MATN2: variants seen among roughly 807,000 people sequenced by gnomAD.
The protein encoded by MATN2 is matrilin-2.
In MATN2, 69 loss-of-function variants were observed where a neutral mutation model predicts 103.2. The ratio of observed to expected loss-of-function variants is 0.67; its 90% CI spans 0.55 to 0.82. The LOEUF (loss-of-function observed/expected upper bound fraction) is 0.82. MATN2 is among the 40% of genes least tolerant of loss of function. The pLI is 0.00. For missense variants in MATN2, 1,023 were observed against 1,211.5 expected, an observed-to-expected ratio of 0.84 and a Z score of 2.31; for synonymous variants, 429 against 450.2, an observed-to-expected ratio of 0.95 and a Z score of 0.60.
At chr8:97,945,736 A>ATATATATATATATATAT in intron 4 of MATN2, among the ~76,000 whole-genome samples, 3 of 143,290 alleles carry the variant, frequency 2.1e-5, no homozygotes, top group Admixed American at 6.8e-5. Flanking sequence ...ATATATATAT[A>ATATATATATATATATAT]ATCTCCCCAC....
rs182114630 is a variant in MATN2 at position 97,980,106 on chromosome 8, A to G, written c.1081+1098A>G. ...GAAGATAACTGTGGCTGAGTCTTGG[A>G]GGTGGAGCTGTCATTCACTAGGCAG... On this transcript the variant is annotated intron_variant, in intron 6 of 18. Coordinates refer to ENST00000254898, the MANE Select transcript of MATN2 (RefSeq NM_002380.5). Among the ~76,000 whole-genome samples the G allele has an allele frequency of 1.1e-3, 171 of 152,264 alleles. 2 individuals are homozygous for G. The highest frequency in any genetic ancestry group is 4.4e-4 in the Non-Finnish European group (30 of 68,008).
At chr8:97,923,161 A>G (rs1044546832) in intron 2 of MATN2, among the ~76,000 whole-genome samples, 1 of 151,128 alleles carries the variant, frequency 6.6e-6, no homozygotes, top group African/African-American at 2.5e-5. Flanking sequence ...CTGCTAGCTC[A>G]TTACGATCAT....
chr8:97,966,671 C>T (rs1471723424), intron 5 of MATN2, among the ~76,000 whole-genome samples: 3 of 152,082 alleles, frequency 2.0e-5, no homozygotes, highest in African/African-American at 2.4e-5. Context: ...GCAGAAAACT[C>T]GGCATTAACA....
rs78244613 is a variant in MATN2 at position 97,889,703 on chromosome 8, A to G, written c.142+1461A>G. The stretch of plus-strand genomic sequence containing the variant: ...GAGTGATCTGCCATCTCGACCTCCC[A>G]AAGTGCTGGGATTACAGACATGAGC... On this transcript the variant is annotated intron_variant, in intron 2 of 18. Transcript: ENST00000254898. Among the ~76,000 whole-genome samples the G allele has an allele frequency of 3.8e-3, 577 of 152,004 alleles. 17 individuals are homozygous for G. In the East Asian group the frequency reaches 0.062, roughly 16 times the overall value.
chr8:97,953,248 G>T (rs1811021560), intron 4 of MATN2, among the ~76,000 whole-genome samples: 1 of 152,078 alleles, frequency 6.6e-6, no homozygotes, highest in South Asian at 2.1e-4. Flanking sequence ...GAAACTATTA[G>T]AATTGGGATG....
intron 5 of MATN2, among the ~76,000 whole-genome samples, chr8:97,973,786 T>G (rs990064158): frequency 6.6e-6 from 1 of 152,036 alleles, no homozygotes; most frequent in Non-Finnish European, 1.5e-5. Flanking sequence ...CCCAGGCTGG[T>G]CTCGAACCCC....
At position 97,932,181 on chromosome 8, in the gene MATN2, A is replaced by G. The variant is rs147259642; in HGVS notation, c.712+659A>G. Reference sequence around the variant, plus strand: ...AACCACAGAATGAGGAAGAGTAGATAGACAGAGTTTTTCTTCAGCACATGG... The same window carrying G: ...AACCACAGAATGAGGAAGAGTAGATGGACAGAGTTTTTCTTCAGCACATGG... On this transcript the variant is annotated intron_variant, in intron 3 of 18. Transcript: ENST00000254898. Among the ~76,000 whole-genome samples, 861 of 152,312 alleles carry G rather than the reference A, an allele frequency of 5.7e-3. 3 individuals carry two copies. Among genetic ancestry groups the G allele is most frequent in the Middle Eastern group, 0.031 (9 of 294 alleles).
Position 98,033,548 on chromosome 8 carries a change from T to C in MATN2, c.2717-13T>C, listed in dbSNP as rs780077435. On this transcript the variant is annotated splice_polypyrimidine_tract_variant and intron_variant, in intron 17 of 18. Transcript: ENST00000254898. ...GGATTCTAGAGGTGAACACTTTCCA[T>C]CTGCTTTCTCAGGAAGCCCTTTGGA... The C allele has an allele frequency of 6.7e-7, 1 of 1,500,564 alleles. No individual in the cohort carries two copies. The highest frequency in any genetic ancestry group is 9.1e-7 in the Non-Finnish European group (1 of 1,096,306). The allele number at this position is 1,500,564 out of a possible 1,614,324, so 93.0% of individuals were successfully genotyped here. A position where few individuals can be genotyped will look rare whatever the true frequency, so the allele number is the denominator to read the frequency against.
intron 6 of MATN2, among the ~76,000 whole-genome samples, chr8:97,988,721 T>G (rs977258579): frequency 6.6e-6 from 1 of 152,096 alleles, no homozygotes; most frequent in Non-Finnish European, 1.5e-5. Flanking sequence ...CAGAGAAGAC[T>G]TCAAACCTAG....
Position 97,911,599 on chromosome 8 carries a change from C to T in MATN2, c.143-19354C>T, listed in dbSNP as rs1172528278. On this transcript the variant is annotated intron_variant, in intron 2 of 18. Coordinates refer to ENST00000254898, the MANE Select transcript of MATN2 (RefSeq NM_002380.5). ...GCGTGTGCCTGTAGTCCCAGCTACT[C>T]GGGAGGCTGAGGAAGGAGAATCTCT... 2.6e-5 allele frequency among the ~76,000 whole-genome samples: 4 copies of T among 151,626 alleles called. No individual in the cohort carries two copies. The East Asian group carries it at 5.9e-4, about 22-fold the overall frequency.
chr8:97,951,698 A>T (rs1024075443), intron 4 of MATN2, among the ~76,000 whole-genome samples: 2 of 152,058 alleles, frequency 1.3e-5, no homozygotes, highest in African/African-American at 4.8e-5. Context: ...AACGGTTTGG[A>T]AATTGAAAAG....
chr8:97,936,347 T>G (rs1488417490), intron 3 of MATN2, among the ~76,000 whole-genome samples: 7 of 152,108 alleles, frequency 4.6e-5, no homozygotes, highest in Non-Finnish European at 1.0e-4. Flanking sequence ...GTTCCTACCC[T>G]AATAGCCCCA....
chr8:98,022,077 C>T (rs1451411783), intron 13 of MATN2, among the ~76,000 whole-genome samples: 1 of 152,080 alleles, frequency 6.6e-6, no homozygotes, highest in Non-Finnish European at 1.5e-5. Flanking sequence ...CTATTTGTAG[C>T]AGCAAAAAAC....
chr8:98,010,289 C>G (rs1420721712), intron 10 of MATN2, among the ~76,000 whole-genome samples: 1 of 152,158 alleles, frequency 6.6e-6, no homozygotes, highest in Non-Finnish European at 1.5e-5. Flanking sequence ...GCTGGGGCCT[C>G]TCTGCAGAGC....
chr8:98,025,386 CTT>C (rs1267493191), intron 13 of MATN2: 1 of 181,168 alleles, frequency 5.5e-6, no homozygotes, highest in Non-Finnish European at 1.2e-5. Context: ...TTGTGCCTCA[CTT>C]TTAAAGATTA....
chr8:97,885,971 C>T (rs74736172), intron 1 of MATN2, among the ~76,000 whole-genome samples: 5,090 of 152,214 alleles, frequency 0.033, 176 homozygotes, highest in African/African-American at 0.087. Flanking sequence ...TATTTACAGC[C>T]GCTCCCCATC....
At chr8:97,904,201 A>G (rs186222241) in intron 2 of MATN2, among the ~76,000 whole-genome samples, 2 of 152,310 alleles carry the variant, frequency 1.3e-5, no homozygotes, top group Admixed American at 1.3e-4. Flanking sequence ...AGAGCTGGCA[A>G]ATTTGTTCAT....
chr8:97,934,820 G>T (rs1810320639), intron 3 of MATN2, among the ~76,000 whole-genome samples: 1 of 152,184 alleles, frequency 6.6e-6, no homozygotes, highest in Non-Finnish European at 1.5e-5. Context: ...ATAAGATAAG[G>T]TGAACATAGA....
At chr8:97,878,304 C>G (rs1226978556) in intron 1 of MATN2, among the ~76,000 whole-genome samples, 1 of 152,182 alleles carries the variant, frequency 6.6e-6, no homozygotes, top group Non-Finnish European at 1.5e-5. Context: ...GTGCCTCACA[C>G]CTGTAATCCC....
Sources: gnomAD v4.1 joint callset for allele counts (sites outside exome capture counted in the v4.1 genomes callset) on GRCh38, gnomAD v4.1.1 for gene constraint, MANE v1.5 for transcripts, NCBI Gene and HGNC (gene_info 2026-07-23, HGNC 2026-07-21) for gene names.